UMAD1: variants seen among roughly 807,000 people sequenced by gnomAD.
UMAD1 encodes the protein UBAP1-MVB12-associated (UMA) domain containing 1, also known as UBAP1-MVB12-associated (UMA)-domain containing protein 1.
A neutral mutation model predicts 6.1 loss-of-function variants in UMAD1; 8 were observed. That is an observed-to-expected ratio of 1.30 (90% confidence interval 0.76 to 2.35). The LOEUF (loss-of-function observed/expected upper bound fraction) is 2.35. Among genes scored for constraint, UMAD1 ranks in the 30% most tolerant of loss-of-function variants. The pLI, the probability that UMAD1 is intolerant of heterozygous loss-of-function variation, is 0.00. For synonymous variants in UMAD1, 56 were observed against 31.4 expected, an observed-to-expected ratio of 1.78 and a Z score of -2.61; for missense variants, 130 against 78.4, an observed-to-expected ratio of 1.66 and a Z score of -2.49.
intron 2 of UMAD1, among the ~76,000 whole-genome samples, chr7:7,769,695 C>T (rs908065041): frequency 6.6e-6 from 1 of 152,158 alleles, no homozygotes; most frequent in East Asian, 1.9e-4. Context: ...GTAGAGGAAG[C>T]AGCATGTCCT....
chr7:7,698,903 C>G (rs548722068), intron 2 of UMAD1, among the ~76,000 whole-genome samples: 27 of 150,466 alleles, frequency 1.8e-4, no homozygotes, highest in African/African-American at 6.6e-4. Context: ...CAGTCTCACC[C>G]TGTTGCCCAG....
intron 2 of UMAD1, among the ~76,000 whole-genome samples, chr7:7,798,301 A>G (rs986093845): frequency 3.9e-5 from 6 of 152,232 alleles, no homozygotes; most frequent in East Asian, 3.9e-4. Context: ...CTTCATTAGT[A>G]TGTATATGTA....
chr7:7,744,553 G>C (rs546135268), intron 2 of UMAD1, among the ~76,000 whole-genome samples: 2 of 149,510 alleles, frequency 1.3e-5, no homozygotes, highest in East Asian at 3.9e-4. Flanking sequence ...GTGTACAAGG[G>C]TTCTCATTTC....
chr7:7,787,985 T>C (rs1020103791), intron 2 of UMAD1, among the ~76,000 whole-genome samples: 1 of 152,196 alleles, frequency 6.6e-6, no homozygotes, highest in Non-Finnish European at 1.5e-5. Flanking sequence ...CTGAGACTAT[T>C]GCCACCCTCT....
At chr7:7,740,955 C>T (rs1407052478) in intron 2 of UMAD1, 1 of 152,098 alleles carries the variant, frequency 6.6e-6, no homozygotes, top group Non-Finnish European at 1.5e-5. Context: ...CATGTCTGCC[C>T]TTTGTGGGAA....
At chr7:7,858,182 G>T (rs900077632) in intron 3 of UMAD1, among the ~76,000 whole-genome samples, 1 of 152,212 alleles carries the variant, frequency 6.6e-6, no homozygotes, top group African/African-American at 2.4e-5. Context: ...ACTGATAACG[G>T]TGGTAGTAGA....
intron 3 of UMAD1, among the ~76,000 whole-genome samples, chr7:7,804,476 C>A (rs1782866745): frequency 1.3e-5 from 2 of 152,136 alleles, no homozygotes; most frequent in Non-Finnish European, 2.9e-5. Flanking sequence ...AGTTCAAGAC[C>A]AGCCTGGGCA....
chr7:7,739,576 A>T (rs1258742490), intron 2 of UMAD1, among the ~76,000 whole-genome samples: 2 of 152,190 alleles, frequency 1.3e-5, no homozygotes, highest in South Asian at 2.1e-4. Flanking sequence ...TTCAAGATCT[A>T]TTTTTCTCAA....
intron 2 of UMAD1, among the ~76,000 whole-genome samples, chr7:7,725,300 A>G (rs1057084686): frequency 1.3e-5 from 2 of 152,226 alleles, no homozygotes; most frequent in Admixed American, 6.5e-5. Flanking sequence ...AGTGGGGTCC[A>G]GAACAGGAGA....
intron 3 of UMAD1, among the ~76,000 whole-genome samples, chr7:7,862,239 T>C (rs966736684): frequency 6.6e-6 from 1 of 152,138 alleles, no homozygotes; most frequent in Non-Finnish European, 1.5e-5. Flanking sequence ...TATATTTATA[T>C]TTTCTTACCA....
At chr7:7,669,523 C>T (rs7791564) in intron 1 of UMAD1, among the ~76,000 whole-genome samples, 88,362 of 151,996 alleles carry the variant, frequency 0.58, 25,946 homozygotes, top group East Asian at 0.8. Context: ...AGTGCTTTAG[C>T]ATATGTTCTT....
At chr7:7,784,338 T>C (rs1201738275) in intron 2 of UMAD1, among the ~76,000 whole-genome samples, 7 of 5,334 alleles carry the variant, frequency 1.3e-3, no homozygotes, top group Admixed American at 2.8e-3. Flanking sequence ...AAAATCTCTG[T>C]TTTTTTTTTT....
chr7:7,850,397 A>G (rs1160915032), intron 3 of UMAD1, among the ~76,000 whole-genome samples: 2 of 152,132 alleles, frequency 1.3e-5, no homozygotes, highest in South Asian at 2.1e-4. Flanking sequence ...CTCTTTCTCA[A>G]TTCAGAAATT....
At chr7:7,784,882 C>A (rs1782430545) in intron 2 of UMAD1, among the ~76,000 whole-genome samples, 1 of 151,050 alleles carries the variant, frequency 6.6e-6, no homozygotes, top group Admixed American at 6.6e-5. Flanking sequence ...CCTGCCTCAG[C>A]CTCCCGAGTA....
At chr7:7,852,046 G>A (rs555415047) in intron 3 of UMAD1, among the ~76,000 whole-genome samples, 7 of 152,160 alleles carry the variant, frequency 4.6e-5, no homozygotes, top group African/African-American at 1.4e-4. Flanking sequence ...GTTAATTTTT[G>A]TATATGGTTT....
chr7:7,685,241 G>GT (rs911329903), intron 2 of UMAD1, among the ~76,000 whole-genome samples: 84 of 150,524 alleles, frequency 5.6e-4, no homozygotes, highest in African/African-American at 1.9e-3. Flanking sequence ...TTGAGCATCT[G>GT]TTTTTTTTAT....
At chr7:7,793,782 TAGAG>T (rs1338852130) in intron 2 of UMAD1, among the ~76,000 whole-genome samples, 3 of 152,312 alleles carry the variant, frequency 2.0e-5, no homozygotes, top group East Asian at 1.9e-4. Context: ...TTTGGCCATA[TAGAG>T]AGTCTTCCGA....
intron 2 of UMAD1, among the ~76,000 whole-genome samples, chr7:7,744,378 A>T (rs1184784604): frequency 6.6e-6 from 1 of 152,130 alleles, no homozygotes; most frequent in Non-Finnish European, 1.5e-5. Flanking sequence ...TGCTGCTGTG[A>T]ACATTTGTGT....
rs184028072 is a variant in UMAD1 at position 7,877,932 on chromosome 7, T to C, written c.*394T>C. 2.5e-4 allele frequency: 42 copies of C among 169,786 alleles called. No homozygotes were observed. In the Middle Eastern group the frequency reaches 8.8e-3, roughly 35 times the overall value. The allele number at this position is 169,786 out of a possible 1,614,324, so 10.5% of individuals were successfully genotyped here. A position where few individuals can be genotyped will look rare whatever the true frequency, so the allele number is the denominator to read the frequency against. The stretch of plus-strand genomic sequence containing the variant: ...GGTGTGAAGTCTCCTCTCTGGTTTG[T>C]AGGAAGTTGAATTGGTGTTATTCCT... On this transcript the variant is annotated 3_prime_UTR_variant, in exon 4 of 4. Transcript: ENST00000682710.
Sources: gnomAD v4.1 joint callset for allele counts (sites outside exome capture counted in the v4.1 genomes callset) on GRCh38, gnomAD v4.1.1 for gene constraint, MANE v1.5 for transcripts, NCBI Gene and HGNC (gene_info 2026-07-23, HGNC 2026-07-21) for gene names.